The following SNTB1 variants were observed in gnomAD, a reference collection of about 807,000 sequenced individuals.
The protein encoded by SNTB1 is beta-1-syntrophin.
Under a neutral mutation model 48.9 loss-of-function variants are expected in SNTB1, and 36 were observed. The ratio of observed to expected loss-of-function variants is 0.74; its 90% CI spans 0.56 to 0.97. The LOEUF is 0.97. SNTB1 is among the 50% of genes least tolerant of loss of function. The pLI is 0.00. For missense variants in SNTB1, 786 were observed against 703.4 expected (o/e 1.12, Z -1.33); for synonymous variants, 299 against 294.6 (o/e 1.01, Z -0.15).
At chr8:120,654,071 A>AAAAAAAAAAAAT in intron 2 of SNTB1, among the ~76,000 whole-genome samples, 1 of 144,012 alleles carries the variant, frequency 6.9e-6, no homozygotes, top group Non-Finnish European at 1.5e-5. Flanking sequence ...AAAAAAAAAA[A>AAAAAAAAAAAAT]GTTGTCTTCT....
chr8:120,785,073 G>A (rs936007640), intron 1 of SNTB1, among the ~76,000 whole-genome samples: 10 of 152,180 alleles, frequency 6.6e-5, no homozygotes, highest in Admixed American at 3.3e-4. Context: ...GAGGGAAACC[G>A]TTCTTCATTC....
chr8:120,673,120 G>A (rs1420688117), intron 2 of SNTB1, among the ~76,000 whole-genome samples: 1 of 152,068 alleles, frequency 6.6e-6, no homozygotes, highest in Non-Finnish European at 1.5e-5. Context: ...TAAGAGAGGT[G>A]GAGCTTCCTG....
intron 1 of SNTB1, among the ~76,000 whole-genome samples, chr8:120,782,772 A>G (rs1819851749): frequency 6.6e-6 from 1 of 152,224 alleles, no homozygotes; most frequent in Non-Finnish European, 1.5e-5. Flanking sequence ...TTATAACTGA[A>G]CCACTAAATG....
chr8:120,653,026 A>G (rs1331934173), intron 2 of SNTB1, among the ~76,000 whole-genome samples: 2 of 152,200 alleles, frequency 1.3e-5, no homozygotes, highest in Non-Finnish European at 2.9e-5. Context: ...GTTCTAGAAC[A>G]CTGATGAGGT....
chr8:120,784,569 C>T (rs1474272757), intron 1 of SNTB1, among the ~76,000 whole-genome samples: 3 of 152,062 alleles, frequency 2.0e-5, no homozygotes, highest in East Asian at 1.9e-4. Context: ...ACACCTGACC[C>T]GAGCCACACT....
At chr8:120,679,657 C>T (rs1817896073) in intron 2 of SNTB1, among the ~76,000 whole-genome samples, 1 of 152,144 alleles carries the variant, frequency 6.6e-6, no homozygotes, top group Non-Finnish European at 1.5e-5. Context: ...TAAAAGAAGC[C>T]AGGATTAGTT....
intron 3 of SNTB1, among the ~76,000 whole-genome samples, chr8:120,615,997 C>A (rs1386938912): frequency 6.6e-6 from 1 of 152,126 alleles, no homozygotes; most frequent in Non-Finnish European, 1.5e-5. Flanking sequence ...AGGGTGGGGC[C>A]TCCTAAATTA....
chr8:120,801,645 G>A (rs557616942), intron 1 of SNTB1, among the ~76,000 whole-genome samples: 7 of 151,782 alleles, frequency 4.6e-5, no homozygotes, highest in African/African-American at 7.3e-5. Context: ...CAAACTGTCC[G>A]ATTTTTTCAT....
intron 1 of SNTB1, among the ~76,000 whole-genome samples, chr8:120,715,535 G>A (rs1244684664): frequency 6.6e-6 from 1 of 152,100 alleles, no homozygotes; most frequent in Non-Finnish European, 1.5e-5. Flanking sequence ...TAATTTAAAG[G>A]TCTCTTTGAA....
At chr8:120,804,074 A>G (rs989719773) in intron 1 of SNTB1, among the ~76,000 whole-genome samples, 1 of 152,156 alleles carries the variant, frequency 6.6e-6, no homozygotes, top group Non-Finnish European at 1.5e-5. Context: ...AGCTTTCATT[A>G]TACCATGTCT....
chr8:120,646,064 G>T (rs1240296073), intron 2 of SNTB1, among the ~76,000 whole-genome samples: 3 of 148,686 alleles, frequency 2.0e-5, no homozygotes, highest in Non-Finnish European at 4.5e-5. Context: ...GAGATTTTGG[G>T]CTGAGACAGT....
chr8:120,805,227 AC>A (rs201021036), intron 1 of SNTB1, among the ~76,000 whole-genome samples: 1 of 141,288 alleles, frequency 7.1e-6, no homozygotes. Flanking sequence ...AAGAATGCCC[AC>A]CCTCTCCTCC....
chr8:120,637,729 C>T, intron 2 of SNTB1: 1 of 441,796 alleles, frequency 2.3e-6, no homozygotes, highest in Non-Finnish European at 4.4e-6. Context: ...TGGACATCTG[C>T]TTCAACAGTT....
chr8:120,574,940 T>C (rs1056380465), intron 4 of SNTB1, 146 bp downstream of exon 4: 15 of 897,426 alleles, frequency 1.7e-5, no homozygotes, highest in Admixed American at 2.7e-5. Flanking sequence ...TTAATCTATG[T>C]GGCTAAAAAT....
intron 2 of SNTB1, among the ~76,000 whole-genome samples, chr8:120,689,414 T>C (rs1818088739): frequency 1.3e-5 from 2 of 148,590 alleles, no homozygotes; most frequent in Non-Finnish European, 3.0e-5. Flanking sequence ...TCAGCTAGGC[T>C]TGGGTTTGAA....
At chr8:120,574,469 A>T (rs1815915715) in intron 4 of SNTB1, among the ~76,000 whole-genome samples, 1 of 152,204 alleles carries the variant, frequency 6.6e-6, no homozygotes, top group African/African-American at 2.4e-5. Flanking sequence ...GTGTATATTT[A>T]TCTCCAAATT....
intron 3 of SNTB1, among the ~76,000 whole-genome samples, chr8:120,584,759 GA>G (rs1405664226): frequency 6.6e-6 from 1 of 152,102 alleles, no homozygotes; most frequent in African/African-American, 2.4e-5. Flanking sequence ...GTTAAGTTGG[GA>G]TGAGGTCATA....
At chr8:120,785,538 CCT>C (rs1309890911) in intron 1 of SNTB1, among the ~76,000 whole-genome samples, 2 of 152,218 alleles carry the variant, frequency 1.3e-5, no homozygotes, top group African/African-American at 2.4e-5. Flanking sequence ...ACTGCAGCAG[CCT>C]GAGAACTGCC....
In SNTB1 at chr8:120,707,975, A is replaced by C. The variant is rs947155416; in HGVS notation, c.572-14067T>G. ...TATCAAAATATTCCACATGTGCCAT[A>C]AGAAAAAATCTAAAGGTCATATAGG... On this transcript the variant is annotated intron_variant, in intron 1 of 6. Transcript: ENST00000517992. Among the ~76,000 whole-genome samples the C allele has an allele frequency of 9.9e-5, 15 of 152,262 alleles. No individual in the cohort carries two copies. The East Asian group carries it at 2.7e-3, about 27-fold the overall frequency.
Sources: gnomAD v4.1 joint callset for allele counts (sites outside exome capture counted in the v4.1 genomes callset) on GRCh38, gnomAD v4.1.1 for gene constraint, MANE v1.5 for transcripts, NCBI Gene and HGNC (gene_info 2026-07-23, HGNC 2026-07-21) for gene names.